Variants in CPQ observed in about 807,000 individuals in gnomAD.
CPQ encodes Ser-Met dipeptidase.
Under a neutral mutation model 45.7 loss-of-function variants are expected in CPQ, and 37 were observed. The ratio of observed to expected loss-of-function variants is 0.81; its 90% CI spans 0.62 to 1.07. The LOEUF is 1.07. CPQ is among the 50% of genes least tolerant of loss of function. The pLI is 0.00. For missense variants in CPQ, 537 were observed against 572.9 expected (o/e 0.94, Z 0.64); for synonymous variants, 186 against 205.8 (o/e 0.90, Z 0.82).
intron 1 of CPQ, among the ~76,000 whole-genome samples, chr8:96,682,891 ATT>A (rs1563701453): frequency 1.5e-4 from 23 of 152,302 alleles, no homozygotes; most frequent in African/African-American, 5.3e-4. Flanking sequence ...CTTTTTATCC[ATT>A]CAGCTTGATT....
rs1256591522 is a variant in CPQ, at chr8:96,753,526, CATCCCTCAAGGTT to C, written c.-34-31337_-34-31325del. Among the ~76,000 whole-genome samples, 2 of 139,400 alleles carry C rather than the reference CATCCCTCAAGGTT, an allele frequency of 1.4e-5. 1 individual carries two copies. The highest frequency in any genetic ancestry group is 3.3e-5 in the Non-Finnish European group (2 of 59,774). The allele number at this position is 139,400 out of a possible 152,430, so 91.5% of individuals were successfully genotyped here. A position where few individuals can be genotyped will look rare whatever the true frequency, so the allele number is the denominator to read the frequency against. ...TTTGTTTAAGTTTTCTTCTATCTTGCATCCCTCAAGGTTTTACTTAAGAAATTTATAGTTTGTA... is the reference window on the plus strand; with the variant it reads ...TTTGTTTAAGTTTTCTTCTATCTTGCTTACTTAAGAAATTTATAGTTTGTA... On this transcript the variant is annotated intron_variant, in intron 1 of 7. Transcript: ENST00000220763.
rs769332836 is a variant in CPQ at position 97,066,118 on chromosome 8, T to C, written c.1163T>C (p.Val388Ala). The stretch of plus-strand genomic sequence containing the variant: ...AAGGCCAGGGCCATCATGGAGGAGG[T>C]TATGAGCCTGCTGCAGCCCCTCAAT... Reference protein sequence around the residue: ...SEKARAIMEEVMSLLQPLNIT... With the variant: ...SEKARAIMEEAMSLLQPLNIT... Residue 388 changes from valine to alanine, a missense_variant, in exon 7 of 8, where the codon GTT becomes GCT. By Grantham distance (64) the Val-to-Ala change is moderately conservative. Transcript: ENST00000220763. The C allele has an allele frequency of 2.0e-5, 32 of 1,612,014 alleles. No homozygotes were observed. The highest frequency in any genetic ancestry group is 8.4e-5 in the Admixed American group (5 of 59,710).
rs114016302 is a variant in CPQ at position 96,893,294 on chromosome 8, C to T, written c.849+13289C>T. On this transcript the variant is annotated intron_variant, in intron 4 of 7. Coordinates refer to ENST00000220763, the MANE Select transcript of CPQ (RefSeq NM_016134.4). ...AAACCAGGACAACCATCAGCATCAA[C>T]AGCAACTAATGCTTGTTGAACAACT... Among the ~76,000 whole-genome samples the T allele has an allele frequency of 5.4e-3, 826 of 152,314 alleles. 4 individuals carry two copies. The highest frequency in any genetic ancestry group is 0.016 in the African/African-American group (672 of 41,562).
chr8:96,764,718 G>A lies in CPQ; in HGVS notation c.-34-20146G>A, dbSNP rs143189562. 4.8e-3 allele frequency among the ~76,000 whole-genome samples: 723 copies of A among 152,210 alleles called. 11 individuals carry two copies. The highest frequency in any genetic ancestry group is 0.012 in the African/African-American group (509 of 41,542). On this transcript the variant is annotated intron_variant, in intron 1 of 7. Transcript: ENST00000220763. ...TTTCCCCTATCCCAATGGCACTTGG[G>A]CAACTACTTTTCTTGTATACTTTAG...
intron 3 of CPQ, among the ~76,000 whole-genome samples, chr8:96,843,033 G>A (rs1281383599): frequency 2.0e-5 from 3 of 152,074 alleles, no homozygotes; most frequent in African/African-American, 7.2e-5. Flanking sequence ...AGCCTCCTGA[G>A]TGGCTGGGAT....
In CPQ at chr8:96,835,200, T is replaced by C; in HGVS notation, c.641+20T>C. ...CTACAGGTTTGTCACAATGTTCATT[T>C]GAATTCCTTTCAAAAACAAGGGTTT... On this transcript the variant is annotated intron_variant, in intron 3 of 7. Coordinates refer to ENST00000220763, the MANE Select transcript of CPQ (RefSeq NM_016134.4). The C allele has an allele frequency of 7.1e-7, 1 of 1,413,982 alleles. No homozygotes were observed. Among genetic ancestry groups the C allele is most frequent in the Non-Finnish European group, 9.3e-7 (1 of 1,075,098 alleles). 87.6% of individuals were successfully genotyped at this position (1,413,982 alleles called of 1,614,324 possible). A position where few individuals can be genotyped will look rare whatever the true frequency, so the allele number is the denominator to read the frequency against.
Position 96,721,534 on chromosome 8 carries a change from C to T in CPQ, c.-34-63330C>T, listed in dbSNP as rs535470281. Among the ~76,000 whole-genome samples, 14 of 152,200 alleles carry T rather than the reference C, an allele frequency of 9.2e-5. 1 individual carries two copies. The South Asian group carries it at 2.9e-3, about 32-fold the overall frequency. ...TTTCAATTCTCATCTGCACCTAGTA[C>T]AGGTGATAAGCATTCTATCAGAATT... On this transcript the variant is annotated intron_variant, in intron 1 of 7. Coordinates refer to ENST00000220763, the MANE Select transcript of CPQ (RefSeq NM_016134.4).
chr8:96,681,957 A>T (rs1031549580), intron 1 of CPQ, among the ~76,000 whole-genome samples: 21 of 152,052 alleles, frequency 1.4e-4, no homozygotes, highest in Non-Finnish European at 2.4e-4. Context: ...GACTGTATTT[A>T]CCCAATGCTT....
intron 1 of CPQ, among the ~76,000 whole-genome samples, chr8:96,780,425 T>C (rs534015115): frequency 6.6e-6 from 1 of 152,308 alleles, no homozygotes; most frequent in African/African-American, 2.4e-5. Context: ...GCCTGTGCGT[T>C]TGAAGAACAG....
intron 4 of CPQ, among the ~76,000 whole-genome samples, chr8:96,939,354 C>G (rs779608201): frequency 6.6e-6 from 1 of 152,142 alleles, no homozygotes; most frequent in Non-Finnish European, 1.5e-5. Context: ...TCCTGTTGTG[C>G]GGCCATATTC....
chr8:97,143,259 C>A lies in CPQ; in HGVS notation c.*76C>A. The A allele has an allele frequency of 7.2e-7, 1 of 1,383,434 alleles. No homozygotes were observed. The highest frequency in any genetic ancestry group is 1.0e-6 in the Non-Finnish European group (1 of 994,460). 85.7% of individuals were successfully genotyped at this position (1,383,434 alleles called of 1,614,324 possible). A position where few individuals can be genotyped will look rare whatever the true frequency, so the allele number is the denominator to read the frequency against. On this transcript the variant is annotated 3_prime_UTR_variant, in exon 8 of 8. Coordinates refer to ENST00000220763, the MANE Select transcript of CPQ (RefSeq NM_016134.4). ...TGCAACTTTGGAAAACTCCTCTTCA[C>A]ATAACAATTTCATCCAATTCATCTT...
intron 7 of CPQ, among the ~76,000 whole-genome samples, chr8:97,117,537 ATTC>A (rs1374742796): frequency 3.3e-5 from 5 of 151,926 alleles, no homozygotes; most frequent in African/African-American, 7.3e-5. Context: ...ACTTTTTAAT[ATTC>A]TTCTTTTTTT....
At chr8:96,866,640 C>T (rs917345333) in intron 3 of CPQ, among the ~76,000 whole-genome samples, 4 of 151,866 alleles carry the variant, frequency 2.6e-5, no homozygotes, top group African/African-American at 7.3e-5. Flanking sequence ...TTGGTGTTAA[C>T]GTTCATCTAT....
At chr8:96,878,529 T>C (rs1240169328) in intron 3 of CPQ, among the ~76,000 whole-genome samples, 1 of 152,206 alleles carries the variant, frequency 6.6e-6, no homozygotes, top group Non-Finnish European at 1.5e-5. Flanking sequence ...TAACTTGCCC[T>C]GGGCCAGTTA....
rs181169403 is a variant in CPQ, at chr8:96,834,414, T to C, written c.434-559T>C. Among the ~76,000 whole-genome samples, 777 of 152,372 alleles carry C rather than the reference T, an allele frequency of 5.1e-3. 2 individuals are homozygous for C. Among genetic ancestry groups the C allele is most frequent in the Non-Finnish European group, 8.3e-3 (565 of 68,036 alleles). ...TTCTATGCAAAGGAGGAAGGAAAGC[T>C]TACTTTTTGTGGTTCTTCAGAGAGA... is the stretch of plus-strand genomic sequence containing the variant. On this transcript the variant is annotated intron_variant, in intron 2 of 7. Coordinates refer to ENST00000220763, the MANE Select transcript of CPQ (RefSeq NM_016134.4).
At chr8:96,863,878 A>G (rs750266967) in intron 3 of CPQ, among the ~76,000 whole-genome samples, 26 of 152,110 alleles carry the variant, frequency 1.7e-4, no homozygotes, top group Non-Finnish European at 5.9e-5. Context: ...ATCATACTGT[A>G]TAAGTGACAG....
intron 5 of CPQ, among the ~76,000 whole-genome samples, chr8:96,975,816 GC>G (rs1401836379): frequency 1.3e-5 from 2 of 151,984 alleles, no homozygotes; most frequent in African/African-American, 4.8e-5. Flanking sequence ...AAAACCCTGA[GC>G]AAAATTGGCA....
intron 1 of CPQ, among the ~76,000 whole-genome samples, chr8:96,666,828 A>G (rs972094150): frequency 6.6e-6 from 1 of 152,112 alleles, no homozygotes; most frequent in Admixed American, 6.5e-5. Context: ...GCTCAGTGTT[A>G]AAAACCAAAC....
At chr8:96,766,877 G>C (rs1586392108) in intron 1 of CPQ, among the ~76,000 whole-genome samples, 1 of 152,120 alleles carries the variant, frequency 6.6e-6, no homozygotes, top group Non-Finnish European at 1.5e-5. Flanking sequence ...GGCACACTTT[G>C]CTCTCTGTTG....
Sources: allele counts gnomAD v4.1 joint callset (sites outside exome capture counted in the v4.1 genomes callset), GRCh38; gene constraint gnomAD v4.1.1; transcripts MANE v1.5; gene names NCBI Gene and HGNC (gene_info 2026-07-23, HGNC 2026-07-21).